INTS9: variants seen among roughly 807,000 people sequenced by gnomAD.
INTS9 encodes the protein integrator complex subunit 9, also known as protein related to CPSF subunits of 74 kDa.
INTS9 carries 55 observed loss-of-function variants against 79.7 expected under a neutral mutation model. The observed-to-expected ratio is 0.69, with a 90% confidence interval of 0.56 to 0.86. The LOEUF is 0.86. Ranked by LOEUF, INTS9 falls within the 40% of genes least tolerant of loss-of-function variation. The pLI is 0.00. For missense variants in INTS9, 721 were observed against 831.5 expected (o/e 0.87, Z 1.64); for synonymous variants, 319 against 325.2 (o/e 0.98, Z 0.20).
At chr8:28,792,811 G>C (rs1005102472) in intron 10 of INTS9, among the ~76,000 whole-genome samples, 1 of 151,956 alleles carries the variant, frequency 6.6e-6, no homozygotes. Context: ...TTCTTCGGAG[G>C]CTGAGGCAGG....
intron 8 of INTS9, among the ~76,000 whole-genome samples, chr8:28,807,016 A>G (rs1228119672): frequency 6.6e-6 from 1 of 152,192 alleles, no homozygotes; most frequent in Non-Finnish European, 1.5e-5. Context: ...TACAACCAAA[A>G]CGATTAAAAG....
At chr8:28,825,300 T>C (rs1806085620) in intron 6 of INTS9, among the ~76,000 whole-genome samples, 1 of 152,212 alleles carries the variant, frequency 6.6e-6, no homozygotes, top group Non-Finnish European at 1.5e-5. Flanking sequence ...CCGTGATGGA[T>C]AATGATGAAT....
At chr8:28,768,994 G>A (rs1023599187) in intron 16 of INTS9, among the ~76,000 whole-genome samples, 2 of 152,148 alleles carry the variant, frequency 1.3e-5, no homozygotes, top group Admixed American at 6.5e-5. Context: ...CAGGCAGAAG[G>A]TCCTCATCTT....
chr8:28,789,505 G>A (rs1337770500), intron 10 of INTS9, among the ~76,000 whole-genome samples: 1 of 137,230 alleles, frequency 7.3e-6, no homozygotes, highest in Non-Finnish European at 1.7e-5. Flanking sequence ...AATAAATGGC[G>A]CTTCTAGGTT....
intron 10 of INTS9, among the ~76,000 whole-genome samples, chr8:28,788,701 G>T (rs1340649179): frequency 3.3e-5 from 5 of 152,216 alleles, no homozygotes; most frequent in African/African-American, 9.6e-5. Context: ...TTACAGGCGT[G>T]AGCCACTGTG....
chr8:28,885,865 A>T (rs1218907933), intron 1 of INTS9, among the ~76,000 whole-genome samples: 1 of 152,200 alleles, frequency 6.6e-6, no homozygotes, highest in Non-Finnish European at 1.5e-5. Flanking sequence ...TATATTTCTA[A>T]TTTTCCTCTG....
intron 11 of INTS9, among the ~76,000 whole-genome samples, 186 bp downstream of exon 11, chr8:28,787,641 TAG>T (rs1803688773): frequency 6.6e-6 from 1 of 152,192 alleles, no homozygotes; most frequent in Admixed American, 6.5e-5. Flanking sequence ...ACGTGCGCAA[TAG>T]AAAGTGTTAA....
chr8:28,840,310 G>A (rs1807094137), intron 4 of INTS9, among the ~76,000 whole-genome samples: 1 of 150,216 alleles, frequency 6.7e-6, no homozygotes, highest in African/African-American at 2.5e-5. Context: ...TGGAGAGGAT[G>A]TGGAGAAATA....
At chr8:28,784,819 C>T (rs1376017603) in intron 11 of INTS9, among the ~76,000 whole-genome samples, 1 of 149,532 alleles carries the variant, frequency 6.7e-6, no homozygotes, top group Non-Finnish European at 1.5e-5. Flanking sequence ...CACAACACTG[C>T]CCCCTCTCAT....
intron 2 of INTS9, among the ~76,000 whole-genome samples, chr8:28,851,656 C>A (rs1043195091): frequency 6.6e-6 from 1 of 151,992 alleles, no homozygotes; most frequent in Non-Finnish European, 1.5e-5. Flanking sequence ...CCAGGATGGT[C>A]TCGATCTCCT....
chr8:28,881,094 G>A (rs1490200934), intron 1 of INTS9, among the ~76,000 whole-genome samples: 11 of 150,546 alleles, frequency 7.3e-5, no homozygotes, highest in African/African-American at 1.7e-4. Flanking sequence ...GAGCGTCTCC[G>A]CCCGGCAGCC....
At chr8:28,774,857 C>T (rs1802776658) in intron 14 of INTS9, among the ~76,000 whole-genome samples, 2 of 152,246 alleles carry the variant, frequency 1.3e-5, no homozygotes, top group Admixed American at 1.3e-4. Flanking sequence ...CCCTCTCTGT[C>T]TCCCTCTCAG....
At chr8:28,841,370 T>G (rs1176040361) in intron 4 of INTS9, among the ~76,000 whole-genome samples, 1 of 152,192 alleles carries the variant, frequency 6.6e-6, no homozygotes, top group Non-Finnish European at 1.5e-5. Flanking sequence ...ACAATGTGAA[T>G]CACACTGAAG....
At chr8:28,882,548 GAAAAAA>G (rs376509452) in intron 1 of INTS9, among the ~76,000 whole-genome samples, 3 of 74,862 alleles carry the variant, frequency 4.0e-5, no homozygotes, top group African/African-American at 1.4e-4. Flanking sequence ...AAAAAAAAAA[GAAAAAA>G]AAAAAGAAAA....
At chr8:28,839,091 C>T (rs570588117) in intron 4 of INTS9, among the ~76,000 whole-genome samples, 1 of 152,208 alleles carries the variant, frequency 6.6e-6, no homozygotes, top group African/African-American at 2.4e-5. Context: ...AAGCAAGTGA[C>T]TCGGTTAAGA....
chr8:28,802,585 G>A (rs558426965), intron 8 of INTS9, among the ~76,000 whole-genome samples: 4 of 152,312 alleles, frequency 2.6e-5, no homozygotes, highest in African/African-American at 9.6e-5. Flanking sequence ...GTTGGTGCTG[G>A]AGAGTCTTCA....
In INTS9 at chr8:28,834,967, G is replaced by A. The variant is rs565900317; in HGVS notation, c.488+325C>T. Among the ~76,000 whole-genome samples, 11 of 152,210 alleles carry A rather than the reference G, an allele frequency of 7.2e-5. No individual in the cohort carries two copies. The South Asian group carries it at 1.4e-3, about 20-fold the overall frequency. On this transcript the variant is annotated intron_variant, in intron 6 of 16. Transcript: ENST00000521022. ...GCTGGGATTACAGGCGTGAGTCACC[G>A]CGCCTAGCTGGCAAACACCTCTTCT...
chr8:28,853,432 G>C (rs1396468109), intron 2 of INTS9, among the ~76,000 whole-genome samples: 6 of 148,778 alleles, frequency 4.0e-5, no homozygotes, highest in Admixed American at 3.3e-4. Context: ...AAAAAAGAAA[G>C]AAACAAAGAA....
chr8:28,770,162 C>T (rs1367122655), intron 15 of INTS9, 136 bp from the exon 16 acceptor site: 12 of 1,129,452 alleles, frequency 1.1e-5, no homozygotes, highest in East Asian at 2.6e-5. Flanking sequence ...AGCCGGCACT[C>T]GGTTCAGGTT....
Sources: gnomAD v4.1 joint callset for allele counts (sites outside exome capture counted in the v4.1 genomes callset) on GRCh38, gnomAD v4.1.1 for gene constraint, MANE v1.5 for transcripts, NCBI Gene and HGNC (gene_info 2026-07-23, HGNC 2026-07-21) for gene names.